The following RTBDN variants were observed in gnomAD, a reference collection of about 807,000 sequenced individuals.
RTBDN encodes retbindin.
A neutral mutation model predicts 21.9 loss-of-function variants in RTBDN; 24 were observed. The observed-to-expected ratio is 1.10, with a 90% CI of 0.79 to 1.54. The LOEUF is 1.54. Ranked by LOEUF, RTBDN falls within the 40% of genes most tolerant of loss-of-function variation. The pLI is 0.00. For synonymous variants in RTBDN, 141 were observed against 125.9 expected (o/e 1.12, Z -0.80); for missense variants, 325 against 315.2 (o/e 1.03, Z -0.23).
At chr19:12,834,854 GT>G (rs762250720), upstream of RTBDN, 3 of 1,614,122 alleles carry the variant, frequency 1.9e-6, no homozygotes, top group Non-Finnish European at 2.5e-6. This position sits in a 1 kb window ranked among gnomAD's most constrained non-coding sequence, Gnocchi z 4.7. Flanking sequence ...TTTCTGAGGG[GT>G]TAGTACGGAA....
rs910929335 is a variant in RTBDN, at chr19:12,825,600, T to C, written c.*106A>G. ...GCTCCAGGGAGGAGGGACAGACATCTCAAAACTATTACAGAAGGCCGAGAG... is the reference window on the plus strand; with the variant it reads ...GCTCCAGGGAGGAGGGACAGACATCCCAAAACTATTACAGAAGGCCGAGAG... On this transcript the variant is annotated 3_prime_UTR_variant, in exon 6 of 6. Transcript: ENST00000674343. 1 of 1,442,630 alleles carries C rather than the reference T, an allele frequency of 6.9e-7. No individual in the cohort carries two copies. Among genetic ancestry groups the C allele is most frequent in the Non-Finnish European group, 9.1e-7 (1 of 1,098,182 alleles). 89.4% of individuals were successfully genotyped at this position (1,442,630 alleles called of 1,614,324 possible).
intron 2 of RTBDN, 59 bp from the exon 3 acceptor site, chr19:12,829,012 T>C: frequency 6.2e-7 from 1 of 1,605,238 alleles, no homozygotes; most frequent in Non-Finnish European, 8.5e-7. Context: ...GTTTGGGAAC[T>C]GAGGCCTGGG....
At position 12,825,598 on chromosome 19, in the gene RTBDN, T is replaced by C. The variant is rs2145839463; in HGVS notation, c.*108A>G. The stretch of plus-strand genomic sequence containing the variant: ...GAGCTCCAGGGAGGAGGGACAGACA[T>C]CTCAAAACTATTACAGAAGGCCGAG... On this transcript the variant is annotated 3_prime_UTR_variant, in exon 6 of 6. Coordinates refer to ENST00000674343, the MANE Select transcript of RTBDN (RefSeq NM_001270441.2). The C allele has an allele frequency of 1.4e-6, 2 of 1,445,204 alleles. No homozygotes were observed. The highest frequency in any genetic ancestry group is 9.1e-7 in the Non-Finnish European group (1 of 1,097,170). The allele number at this position is 1,445,204 out of a possible 1,614,324, so 89.5% of individuals were successfully genotyped here. A position where few individuals can be genotyped will look rare whatever the true frequency, so the allele number is the denominator to read the frequency against.
At chr19:12,827,118 A>G (rs1219928692) in intron 4 of RTBDN, among the ~76,000 whole-genome samples, 1 of 152,030 alleles carries the variant, frequency 6.6e-6, no homozygotes, top group African/African-American at 2.4e-5. Context: ...ACCATTAGTT[A>G]CAGGCCAGTC....
chr19:12,830,734 C>A lies in RTBDN; in HGVS notation c.-18-737G>T. On this transcript the variant is annotated intron_variant, in intron 1 of 5. Transcript: ENST00000674343. This position sits in a 1 kb window ranked among gnomAD's most constrained non-coding sequence, Gnocchi z 4.2. ...GACCTCCCACCGTCCTGCCCACACT[C>A]CAGCTGACCAAAGGCTGGCCGACTT... 1 of 961,808 alleles carries A rather than the reference C, an allele frequency of 1.0e-6. No homozygotes were observed. The highest frequency in any genetic ancestry group is 1.2e-6 in the Non-Finnish European group (1 of 808,434). The allele number at this position is 961,808 out of a possible 1,614,324, so 59.6% of individuals were successfully genotyped here.
chr19:12,826,066 T>C, intron 5 of RTBDN, 133 bp from the exon 6 acceptor site: 6 of 1,415,206 alleles, frequency 4.2e-6, no homozygotes, highest in Non-Finnish European at 4.6e-6. Context: ...TGGGAGTCTA[T>C]GTGCGGAACG....
chr19:12,826,649 G>A (rs773290457), intron 5 of RTBDN, 126 bp downstream of exon 5: 42 of 761,784 alleles, frequency 5.5e-5, no homozygotes, highest in African/African-American at 8.8e-5. Context: ...AGCTGAGATC[G>A]CGCCACTGCA....
Position 12,825,607 on chromosome 19 carries a change from T to G in RTBDN, c.*99A>C. Reference sequence around the variant, plus strand: ...GGAGGAGGGACAGACATCTCAAAACTATTACAGAAGGCCGAGAGGACGAGG... The same window carrying G: ...GGAGGAGGGACAGACATCTCAAAACGATTACAGAAGGCCGAGAGGACGAGG... On this transcript the variant is annotated 3_prime_UTR_variant, in exon 6 of 6. Transcript: ENST00000674343. 6.8e-7 allele frequency: 1 copy of G among 1,462,658 alleles called. No homozygotes were observed. Among genetic ancestry groups the G allele is most frequent in the South Asian group, 1.4e-5 (1 of 73,968 alleles). 90.6% of individuals were successfully genotyped at this position (1,462,658 alleles called of 1,614,324 possible).
intron 1 of RTBDN, among the ~76,000 whole-genome samples, chr19:12,831,124 A>T (rs1161835866): frequency 6.6e-6 from 1 of 151,482 alleles, no homozygotes; most frequent in African/African-American, 2.4e-5. Context: ...ATAAAACAGG[A>T]TCTTAATAAA....
intron 5 of RTBDN, chr19:12,826,252 G>A (rs1056046599): frequency 2.3e-6 from 3 of 1,278,848 alleles, no homozygotes; most frequent in African/African-American, 3.1e-5. Context: ...CCCAGAGCAG[G>A]AATGGTTTCT....
Position 12,830,281 on chromosome 19 carries a change from C to A in RTBDN, c.-18-284G>T. 1 of 1,171,982 alleles carries A rather than the reference C, an allele frequency of 8.5e-7. No individual in the cohort carries two copies. The highest frequency in any genetic ancestry group is 1.6e-5 in the African/African-American group (1 of 63,760). The allele number at this position is 1,171,982 out of a possible 1,614,324, so 72.6% of individuals were successfully genotyped here. ...TCCTCCCATCCAGCAGGATCTCCCA[C>A]CTTTTTAGTCTTCAAGAGACCCCTT... On this transcript the variant is annotated intron_variant, in intron 1 of 5. Coordinates refer to ENST00000674343, the MANE Select transcript of RTBDN (RefSeq NM_001270441.2). The surrounding 1 kb of genome is among the most constrained non-coding windows in gnomAD (Gnocchi z 4.2).
chr19:12,835,132 T>C (rs757061100), upstream of RTBDN: 4 of 1,611,498 alleles, frequency 2.5e-6, no homozygotes, highest in Admixed American at 6.7e-5. Context: ...TTCCCGAGGT[T>C]GAAGGCCAAG....
At chr19:12,832,013 G>A (rs1969591246) in intron 1 of RTBDN, among the ~76,000 whole-genome samples, 1 of 152,180 alleles carries the variant, frequency 6.6e-6, no homozygotes, top group Non-Finnish European at 1.5e-5. Flanking sequence ...GTATGTGTTT[G>A]TATGGCTGCA....
Position 12,834,415 on chromosome 19 carries a change from G to T in RTBDN, c.-19+74C>A, listed in dbSNP as rs1969685625. 2 of 1,180,480 alleles carry T rather than the reference G, an allele frequency of 1.7e-6. No individual in the cohort carries two copies. The highest frequency in any genetic ancestry group is 1.5e-5 in the African/African-American group (1 of 65,762). The allele number at this position is 1,180,480 out of a possible 1,614,324, so 73.1% of individuals were successfully genotyped here. On this transcript the variant is annotated intron_variant, in intron 1 of 5. Transcript: ENST00000674343. The surrounding 1 kb of genome is among the most constrained non-coding windows in gnomAD (Gnocchi z 4.7). ...CGCCGCTGGAGGCGTAAACATGTTT[G>T]TGCGGCAACCTCGCCCCTCACCACC...
chr19:12,828,172 C>A (rs1213593367), intron 4 of RTBDN, among the ~76,000 whole-genome samples: 1 of 150,166 alleles, frequency 6.7e-6, no homozygotes, highest in Admixed American at 6.6e-5. Flanking sequence ...CCGAGGCGGG[C>A]GGATCACGAG....
chr19:12,827,911 G>T (rs1211473653), intron 4 of RTBDN, among the ~76,000 whole-genome samples: 1 of 151,532 alleles, frequency 6.6e-6, no homozygotes, highest in Non-Finnish European at 1.5e-5. Context: ...TGGCCAACAC[G>T]GTGAAACACC....
At chr19:12,833,650 C>A (rs1465355367) in intron 1 of RTBDN, among the ~76,000 whole-genome samples, 1 of 152,112 alleles carries the variant, frequency 6.6e-6, no homozygotes, top group Non-Finnish European at 1.5e-5. Context: ...TATCTCTCCT[C>A]TGGGGTGTCT....
intron 5 of RTBDN, chr19:12,826,291 C>T (rs1386833590): frequency 8.2e-7 from 1 of 1,219,274 alleles, no homozygotes. Context: ...ACTTCGAGAG[C>T]TTTTGGGGTC....
chr19:12,826,056 T>C, intron 5 of RTBDN, 123 bp from the exon 6 acceptor site: 1 of 1,420,706 alleles, frequency 7.0e-7, no homozygotes, highest in Admixed American at 3.0e-5. Context: ...GCGTGCGGCC[T>C]GGGAGTCTAT....
Sources: allele counts gnomAD v4.1 joint callset (sites outside exome capture counted in the v4.1 genomes callset), GRCh38; gene constraint gnomAD v4.1.1; non-coding constraint Gnocchi (gnomAD v3.1); transcripts MANE v1.5; gene names NCBI Gene and HGNC (gene_info 2026-07-23, HGNC 2026-07-21).